Variants in EXOSC9 observed in about 807,000 individuals in gnomAD.
EXOSC9 encodes exosome component 9, also known as exosome complex component RRP45.
EXOSC9 carries 38 observed loss-of-function variants against 56.5 expected under a neutral mutation model. The observed-to-expected ratio is 0.67, with a 90% CI of 0.52 to 0.88. The LOEUF (loss-of-function observed/expected upper bound fraction) is 0.88, where lower values mean the gene tolerates loss of function less well. EXOSC9 is among the 40% of genes least tolerant of loss of function. The pLI is 0.00. For missense variants in EXOSC9, 559 were observed against 530.5 expected (o/e 1.05, Z -0.53); for synonymous variants, 170 against 170.8 (o/e 0.99, Z 0.04).
In EXOSC9 at chr4:121,813,848, T is replaced by C; in HGVS notation, c.975-18T>C. 2 of 1,569,276 alleles carry C rather than the reference T, an allele frequency of 1.3e-6. No individual in the cohort carries two copies. Among genetic ancestry groups the C allele is most frequent in the Non-Finnish European group, 1.7e-6 (2 of 1,148,024 alleles). On this transcript the variant is annotated intron_variant, in intron 9 of 11. Coordinates refer to ENST00000243498, the MANE Select transcript of EXOSC9 (RefSeq NM_005033.3). ...AAATAGCAATATTTTTGTTACTCAG[T>C]TTTCTTAACTTGTTAAGTGTTTCTA...
intron 5 of EXOSC9, among the ~76,000 whole-genome samples, chr4:121,805,401 A>G (rs1396438320): frequency 6.6e-6 from 1 of 152,244 alleles, no homozygotes; most frequent in Admixed American, 6.5e-5. Flanking sequence ...TTTGATTTAT[A>G]TAAATTACAT....
Position 121,801,445 on chromosome 4 carries a change from A to T in EXOSC9, c.21A>T (p.Ser7=), listed in dbSNP as rs1383750870. 1 of 1,614,148 alleles carries T rather than the reference A, an allele frequency of 6.2e-7. No individual in the cohort carries two copies. Among genetic ancestry groups the T allele is most frequent in the South Asian group, 1.1e-5 (1 of 91,078 alleles). The change falls in exon 1 of 12, where the codon TCA becomes TCT. Residue 7 remains serine, a synonymous_variant. Transcript: ENST00000243498. MKETPL[S]NCERRFLLRA... The stretch of plus-strand genomic sequence containing the variant: ...ACACCATGAAGGAAACGCCACTCTC[A>T]AACTGCGAACGCCGCTTCCTACTCC...
At chr4:121,808,404 A>G (rs915091548) in intron 6 of EXOSC9, among the ~76,000 whole-genome samples, 2 of 152,076 alleles carry the variant, frequency 1.3e-5, no homozygotes, top group Admixed American at 6.6e-5. Context: ...TTGTTGCCCA[A>G]TTTGGATTTC....
intron 5 of EXOSC9, among the ~76,000 whole-genome samples, chr4:121,805,796 CTTTTTTTTTTT>C (rs765272603): frequency 1.5e-5 from 1 of 67,950 alleles, no homozygotes; most frequent in Admixed American, 2.0e-4. Context: ...AGAAAATATT[CTTTTTTTTTTT>C]TCTTTTTTTT....
intron 10 of EXOSC9, chr4:121,814,934 A>T (rs1303609139): frequency 3.3e-5 from 5 of 152,238 alleles, no homozygotes; most frequent in African/African-American, 1.2e-4. Flanking sequence ...CAGAAATCCT[A>T]CAAGGAACTG....
intron 6 of EXOSC9, 122 bp from the exon 7 acceptor site, chr4:121,809,845 C>G: frequency 9.0e-7 from 1 of 1,109,152 alleles, no homozygotes; most frequent in East Asian, 2.4e-5. Flanking sequence ...GACCCAAATC[C>G]GTAGGCTCAG....
At chr4:121,808,285 G>A (rs1727106150) in intron 6 of EXOSC9, among the ~76,000 whole-genome samples, 1 of 152,186 alleles carries the variant, frequency 6.6e-6, no homozygotes, top group Non-Finnish European at 1.5e-5. Context: ...GATTGTAAGT[G>A]TAGAGTTTTA....
At chr4:121,805,656 A>G (rs1193672291) in intron 5 of EXOSC9, among the ~76,000 whole-genome samples, 2 of 152,210 alleles carry the variant, frequency 1.3e-5, no homozygotes, top group Non-Finnish European at 2.9e-5. Flanking sequence ...CTACACTTGA[A>G]AAATCAATTA....
intron 5 of EXOSC9, among the ~76,000 whole-genome samples, chr4:121,805,361 G>T (rs1726988451): frequency 6.6e-6 from 1 of 152,206 alleles, no homozygotes; most frequent in Admixed American, 6.5e-5. Flanking sequence ...GACCTACGTT[G>T]TCTTTATCTT....
chr4:121,816,916 G>T lies in EXOSC9; in HGVS notation c.*60G>T. 1 of 1,395,218 alleles carries T rather than the reference G, an allele frequency of 7.2e-7. No homozygotes were observed. The highest frequency in any genetic ancestry group is 9.5e-7 in the Non-Finnish European group (1 of 1,050,108). 86.4% of individuals were successfully genotyped at this position (1,395,218 alleles called of 1,614,324 possible). ...AAAAGGGATATTTATTCCATTCTGA[G>T]AACCCTGGGTATTTTTTATTCACAA... On this transcript the variant is annotated 3_prime_UTR_variant, in exon 12 of 12. Transcript: ENST00000243498.
chr4:121,802,791 C>G lies in EXOSC9; in HGVS notation c.279C>G (p.Gly93=). ...SQMAAPAFEP[G]RQSDLLVKLN... ...TGGCCGCTCCAGCTTTCGAACCTGG[C>G]AGGTATTTAAATCTTTTTCTTAAGT... Residue 93 remains glycine (G), a splice_region_variant and synonymous_variant, in exon 3 of 12, where the codon GGC becomes GGG. Coordinates refer to ENST00000243498, the MANE Select transcript of EXOSC9 (RefSeq NM_005033.3). The G allele has an allele frequency of 6.2e-7, 1 of 1,613,786 alleles. No homozygotes were observed. Among genetic ancestry groups the G allele is most frequent in the Non-Finnish European group, 8.5e-7 (1 of 1,179,952 alleles).
chr4:121,805,568 G>T (rs1726993691), intron 5 of EXOSC9, among the ~76,000 whole-genome samples: 1 of 152,090 alleles, frequency 6.6e-6, no homozygotes, highest in South Asian at 2.1e-4. Context: ...AGGGACAAAG[G>T]TTTATTAACA....
At chr4:121,805,000 G>C (rs937909183) in intron 5 of EXOSC9, among the ~76,000 whole-genome samples, 1 of 152,192 alleles carries the variant, frequency 6.6e-6, no homozygotes, top group African/African-American at 2.4e-5. Flanking sequence ...AATAGAATTA[G>C]ATGACTATTT....
chr4:121,807,080 G>A (rs995413109), intron 5 of EXOSC9, among the ~76,000 whole-genome samples: 2 of 152,066 alleles, frequency 1.3e-5, no homozygotes, highest in African/African-American at 4.8e-5. Flanking sequence ...ATCACCTCAG[G>A]TTGGGAGTTC....
chr4:121,805,793 ATTC>A (rs1560623417), intron 5 of EXOSC9, among the ~76,000 whole-genome samples: 2 of 146,582 alleles, frequency 1.4e-5, no homozygotes, highest in African/African-American at 5.0e-5. Flanking sequence ...AGAAGAAAAT[ATTC>A]TTTTTTTTTT....
intron 10 of EXOSC9, 41 bp downstream of exon 10, chr4:121,814,088 CAT>C (rs1441564022): frequency 2.5e-6 from 3 of 1,188,002 alleles, no homozygotes; most frequent in African/African-American, 3.1e-5. Context: ...ATATTACATA[CAT>C]ATAGTATTAC....
At chr4:121,816,292 T>C in intron 10 of EXOSC9, 77 bp from the exon 11 acceptor site, 1 of 848,530 alleles carries the variant, frequency 1.2e-6, no homozygotes, top group Non-Finnish European at 1.8e-6. Context: ...CTGATAGAAA[T>C]AAATTCATGT....
rs139419769 is a variant in EXOSC9 at position 121,801,505 on chromosome 4, C to T, written c.66+15C>T. 407 of 1,613,500 alleles carry T rather than the reference C, an allele frequency of 2.5e-4. No individual in the cohort carries two copies. In the African/African-American group the frequency reaches 4.5e-3, roughly 18 times the overall value. ...AAGAGAAGAAGGTATGGTTTGGTGC[C>T]CGCAGAATTGCGCGCTGCGTGGGCG... On this transcript the variant is annotated intron_variant, in intron 1 of 11. Coordinates refer to ENST00000243498, the MANE Select transcript of EXOSC9 (RefSeq NM_005033.3).
At chr4:121,815,827 G>A in intron 10 of EXOSC9, 4 of 1,055,918 alleles carry the variant, frequency 3.8e-6, no homozygotes, top group Non-Finnish European at 4.6e-6. Context: ...TTTCCCCCTA[G>A]CTTTTCTATT....
Sources: gnomAD v4.1 joint callset for allele counts (sites outside exome capture counted in the v4.1 genomes callset) on GRCh38, gnomAD v4.1.1 for gene constraint, MANE v1.5 for transcripts, NCBI Gene and HGNC (gene_info 2026-07-23, HGNC 2026-07-21) for gene names.